Variants in RARB observed in about 807,000 individuals in gnomAD.
RARB encodes the protein HBV-activated protein.
RARB carries 17 observed loss-of-function variants against 51.9 expected under a neutral mutation model. The ratio of observed to expected loss-of-function variants is 0.33; its 90% confidence interval spans 0.22 to 0.49. The LOEUF (loss-of-function observed/expected upper bound fraction) is 0.49. RARB is among the 20% of genes least tolerant of loss of function. The probability of loss-of-function intolerance (pLI) is 0.99; values close to 1 mark genes in which losing one functional copy is unlikely to be tolerated. For synonymous variants in RARB, 215 were observed against 195.4 expected (o/e 1.10, Z -0.84); for missense variants, 369 against 550.8 (o/e 0.67, Z 3.30).
chr3:25,146,454 A>G (rs1042055217), intron 4 of RARB, among the ~76,000 whole-genome samples: 9 of 150,770 alleles, frequency 6.0e-5, no homozygotes, highest in African/African-American at 2.2e-4. Flanking sequence ...AAAAACACAC[A>G]GGCTAGAGGA....
intron 2 of RARB, among the ~76,000 whole-genome samples, chr3:25,473,559 A>C (rs1050290825): frequency 6.6e-6 from 1 of 152,186 alleles, no homozygotes; most frequent in Non-Finnish European, 1.5e-5. Context: ...TTTCAAAAGC[A>C]GCAAAATGCA....
chr3:25,374,919 C>G (rs1002768151), intron 5 of RARB, among the ~76,000 whole-genome samples: 2 of 152,186 alleles, frequency 1.3e-5, no homozygotes, highest in African/African-American at 4.8e-5. Context: ...AGAGAAGACT[C>G]TAAGATTATT....
chr3:25,096,907 T>G (rs961135734), intron 3 of RARB, among the ~76,000 whole-genome samples: 1 of 152,194 alleles, frequency 6.6e-6, no homozygotes, highest in African/African-American at 2.4e-5. Context: ...CTGTTTCCTT[T>G]CCAGTTACCT....
chr3:24,837,685 G>T (rs1453936379), intron 1 of RARB, among the ~76,000 whole-genome samples: 1 of 151,948 alleles, frequency 6.6e-6, no homozygotes, highest in African/African-American at 2.4e-5. Flanking sequence ...TGTTAATTTT[G>T]TTATGGCACA....
At position 25,491,103 on chromosome 3, in the gene RARB, A is replaced by G. The variant is rs1010250941; in HGVS notation, c.307-10079A>G. ...ATACTCTTCACCTTCTTTTTAAGTC[A>G]CCTTTATTTCAGTGGCTTCCAAGTA... On this transcript the variant is annotated intron_variant, in intron 2 of 7. Transcript: ENST00000330688. Among the ~76,000 whole-genome samples the G allele has an allele frequency of 8.5e-5, 13 of 152,260 alleles. No homozygotes were observed. In the South Asian group the frequency reaches 1.0e-3, roughly 12 times the overall value.
intron 2 of RARB, among the ~76,000 whole-genome samples, chr3:24,885,080 C>G (rs74703918): frequency 6.6e-6 from 1 of 152,090 alleles, no homozygotes; most frequent in Non-Finnish European, 1.5e-5. Context: ...TGGCCAGAAT[C>G]TGTTATGTTA....
intron 3 of RARB, among the ~76,000 whole-genome samples, chr3:25,123,097 TG>T (rs1218640262): frequency 6.6e-6 from 1 of 152,142 alleles, no homozygotes; most frequent in Non-Finnish European, 1.5e-5. Flanking sequence ...ACTTGGCACT[TG>T]GGGTGTCGGC....
intron 3 of RARB, among the ~76,000 whole-genome samples, chr3:25,106,851 A>T (rs555265204): frequency 3.3e-4 from 50 of 151,914 alleles, no homozygotes; most frequent in African/African-American, 1.2e-3. Flanking sequence ...CCCTATACCA[A>T]TTGACTCCAG....
chr3:25,482,729 C>T lies in RARB; in HGVS notation c.307-18453C>T, dbSNP rs557815758. Among the ~76,000 whole-genome samples, 22 of 151,338 alleles carry T rather than the reference C, an allele frequency of 1.5e-4. 1 individual carries two copies. The South Asian group carries it at 4.4e-3, about 30-fold the overall frequency. On this transcript the variant is annotated intron_variant, in intron 2 of 7. Transcript: ENST00000330688. ...TATTTTTTTGTATTTTTAGTAGAGACGGGGTTTCACCATGTTAGCCAGGAT... is the reference window on the plus strand; with the variant it reads ...TATTTTTTTGTATTTTTAGTAGAGATGGGGTTTCACCATGTTAGCCAGGAT...
chr3:25,270,598 C>G (rs1575273457), intron 5 of RARB, among the ~76,000 whole-genome samples: 1 of 152,130 alleles, frequency 6.6e-6, no homozygotes, highest in African/African-American at 2.4e-5. Context: ...GGTTTATATG[C>G]AAAACTTAAT....
chr3:25,335,460 G>A (rs1705035923), intron 5 of RARB, among the ~76,000 whole-genome samples: 1 of 152,184 alleles, frequency 6.6e-6, no homozygotes, highest in Admixed American at 6.5e-5. Flanking sequence ...CTGTGGCCCG[G>A]CATGTTGGCA....
chr3:25,021,845 A>G (rs920813643), intron 2 of RARB, among the ~76,000 whole-genome samples: 2 of 152,214 alleles, frequency 1.3e-5, no homozygotes, highest in Non-Finnish European at 2.9e-5. Flanking sequence ...GTTTTAACAC[A>G]TAGGTCCTTT....
chr3:25,476,405 A>G (rs779703219), intron 2 of RARB, among the ~76,000 whole-genome samples: 1 of 152,106 alleles, frequency 6.6e-6, no homozygotes, highest in African/African-American at 2.4e-5. Flanking sequence ...TAAGAGGTTT[A>G]TGTAAAACCT....
At chr3:24,957,886 A>G (rs1281193378) in intron 2 of RARB, among the ~76,000 whole-genome samples, 1 of 152,228 alleles carries the variant, frequency 6.6e-6, no homozygotes, top group Non-Finnish European at 1.5e-5. Flanking sequence ...CGGTATTTAT[A>G]CCACACAGAT....
intron 2 of RARB, among the ~76,000 whole-genome samples, chr3:24,951,198 C>G (rs935553092): frequency 6.6e-6 from 1 of 152,152 alleles, no homozygotes; most frequent in South Asian, 2.1e-4. Context: ...GCATTTCCAA[C>G]CAGGCTCCAA....
intron 5 of RARB, among the ~76,000 whole-genome samples, chr3:25,308,185 A>G (rs1212090719): frequency 2.0e-5 from 3 of 152,208 alleles, no homozygotes; most frequent in Admixed American, 6.5e-5. Flanking sequence ...TAATTTCCAC[A>G]TGGCTGATGT....
chr3:24,968,610 T>A (rs9825544), intron 2 of RARB, among the ~76,000 whole-genome samples: 4 of 151,862 alleles, frequency 2.6e-5, no homozygotes, highest in African/African-American at 9.7e-5. Flanking sequence ...CTCACATATC[T>A]GGTGGGTGGC....
rs80050310 is a variant in RARB, at chr3:24,995,652, A to G, written c.-379-64473A>G. Among the ~76,000 whole-genome samples, 705 of 152,104 alleles carry G rather than the reference A, an allele frequency of 4.6e-3. 5 individuals carry two copies. The highest frequency in any genetic ancestry group is 0.016 in the African/African-American group (659 of 41,528). ...ATTCAAGCGCTTTCTTTCCATCCCT[A>G]ATTTGTTAAGAGTTTCTATCATGAA... is the stretch of plus-strand genomic sequence containing the variant. On this transcript the variant is annotated intron_variant, in intron 2 of 11. Transcript: ENST00000383772.
intron 1 of RARB, among the ~76,000 whole-genome samples, chr3:25,450,477 A>T (rs6793694): frequency 1.3e-5 from 2 of 151,932 alleles, no homozygotes; most frequent in Non-Finnish European, 2.9e-5. Flanking sequence ...TACCATCTGC[A>T]TTGTAGGACT....
Sources: allele counts gnomAD v4.1 joint callset (sites outside exome capture counted in the v4.1 genomes callset), GRCh38; gene constraint gnomAD v4.1.1; transcripts MANE v1.5; gene names NCBI Gene and HGNC (gene_info 2026-07-23, HGNC 2026-07-21).